Variants in RIMS1 observed in about 807,000 individuals in gnomAD.
RIMS1 encodes regulating synaptic membrane exocytosis 1.
A neutral mutation model predicts 214.1 loss-of-function variants in RIMS1; 83 were observed. The ratio of observed to expected loss-of-function variants is 0.39; its 90% confidence interval spans 0.32 to 0.47. The LOEUF is 0.47. Among genes scored for constraint, RIMS1 ranks in the 20% least tolerant of loss-of-function variants. The pLI is 0.99. For missense variants in RIMS1, 2,050 were observed against 2,161.8 expected (o/e 0.95, Z 1.03); for synonymous variants, 793 against 786.8 (o/e 1.01, Z -0.13).
At chr6:72,218,251 A>G (rs1452368949) in intron 6 of RIMS1, among the ~76,000 whole-genome samples, 1 of 152,096 alleles carries the variant, frequency 6.6e-6, no homozygotes, top group African/African-American at 2.4e-5. Context: ...CAGCCTGATG[A>G]GGACCTGGAC....
chr6:72,152,828 GTA>G lies in RIMS1; in HGVS notation c.472-26739_472-26738del, dbSNP rs1224468612. 2.0e-3 allele frequency among the ~76,000 whole-genome samples: 88 copies of G among 44,700 alleles called. 1 individual carries two copies. Among genetic ancestry groups the G allele is most frequent in the Non-Finnish European group, 2.5e-3 (70 of 27,744 alleles). 29.3% of individuals were successfully genotyped at this position (44,700 alleles called of 152,430 possible). A position where few individuals can be genotyped will look rare whatever the true frequency, so the allele number is the denominator to read the frequency against. On this transcript the variant is annotated intron_variant, in intron 4 of 33. Coordinates refer to ENST00000521978, the MANE Select transcript of RIMS1 (RefSeq NM_014989.7). ...ATATATGTATATATATGGAATATAT[GTA>G]TATATATGTATATATGGAATATATG...
At chr6:71,940,041 G>A (rs1180540976) in intron 1 of RIMS1, among the ~76,000 whole-genome samples, 1 of 152,056 alleles carries the variant, frequency 6.6e-6, no homozygotes. Context: ...ACCTCACTGT[G>A]TTGCTATGAA....
At chr6:72,331,252 G>T (rs950855601) in intron 28 of RIMS1, among the ~76,000 whole-genome samples, 6 of 151,696 alleles carry the variant, frequency 4.0e-5, no homozygotes, top group African/African-American at 1.5e-4. Context: ...ACTGATATTA[G>T]AGATGGAAAT....
intron 6 of RIMS1, among the ~76,000 whole-genome samples, chr6:72,232,792 A>G (rs2062502955): frequency 6.6e-6 from 1 of 151,750 alleles, no homozygotes; most frequent in African/African-American, 2.4e-5. Flanking sequence ...TATTTCATGT[A>G]GCATTTTGTT....
chr6:72,216,625 C>T, intron 6 of RIMS1: 1 of 985,564 alleles, frequency 1.0e-6, no homozygotes, highest in Non-Finnish European at 1.2e-6. Flanking sequence ...GATAATGGGA[C>T]CAAATCATTT....
chr6:72,217,249 CTAAAT>C (rs1436289894), intron 6 of RIMS1: 1 of 1,531,306 alleles, frequency 6.5e-7, no homozygotes, highest in Admixed American at 2.0e-5. Flanking sequence ...AACAGGTAAA[CTAAAT>C]TATATTAATC....
At chr6:72,098,514 C>T (rs537422927) in intron 3 of RIMS1, among the ~76,000 whole-genome samples, 4 of 152,070 alleles carry the variant, frequency 2.6e-5, no homozygotes, top group Admixed American at 6.5e-5. Flanking sequence ...AGGCTGATCT[C>T]GAACTCCTGA....
chr6:72,332,493 C>T (rs1309095897), intron 28 of RIMS1, among the ~76,000 whole-genome samples: 1 of 127,110 alleles, frequency 7.9e-6, no homozygotes, highest in Non-Finnish European at 1.6e-5. Context: ...AATGAGAACA[C>T]ATGGACACAG....
At chr6:72,125,182 G>A (rs1296554579) in intron 4 of RIMS1, among the ~76,000 whole-genome samples, 2 of 151,930 alleles carry the variant, frequency 1.3e-5, no homozygotes, top group Admixed American at 1.3e-4. Flanking sequence ...TGACCTTTTT[G>A]TTGCTATTTA....
chr6:71,889,927 A>C (rs949554402), intron 1 of RIMS1, among the ~76,000 whole-genome samples: 5 of 152,222 alleles, frequency 3.3e-5, no homozygotes, highest in African/African-American at 1.2e-4. Context: ...TTCTGGCAAT[A>C]CGGCAATTAG....
chr6:72,176,501 T>G (rs572199251), intron 4 of RIMS1, among the ~76,000 whole-genome samples: 3 of 152,310 alleles, frequency 2.0e-5, no homozygotes, highest in African/African-American at 7.2e-5. Context: ...TTTTTATTTG[T>G]AAAATTTGTG....
intron 1 of RIMS1, among the ~76,000 whole-genome samples, chr6:71,914,957 A>G (rs557038550): frequency 1.3e-5 from 2 of 152,278 alleles, no homozygotes; most frequent in South Asian, 2.1e-4. Flanking sequence ...TACCTTAAAT[A>G]CAGTGGACAC....
intron 16 of RIMS1, among the ~76,000 whole-genome samples, chr6:72,254,567 A>G (rs371273723): frequency 6.6e-6 from 1 of 152,190 alleles, no homozygotes; most frequent in African/African-American, 2.4e-5. Context: ...ATCTAAATAG[A>G]ATTTGCTTCG....
intron 33 of RIMS1, among the ~76,000 whole-genome samples, chr6:72,400,240 A>G (rs1268619019): frequency 6.6e-5 from 10 of 152,334 alleles, no homozygotes. Flanking sequence ...AACATGGCTT[A>G]TGTAGCTAAT....
intron 1 of RIMS1, among the ~76,000 whole-genome samples, chr6:71,961,199 G>A (rs971648729): frequency 1.3e-5 from 2 of 152,072 alleles, no homozygotes; most frequent in Admixed American, 1.3e-4. Context: ...TGTCCTGCAT[G>A]GATCTTTCTG....
chr6:72,074,011 A>G (rs576008375), intron 2 of RIMS1, among the ~76,000 whole-genome samples: 84 of 152,184 alleles, frequency 5.5e-4, no homozygotes, highest in Non-Finnish European at 1.0e-3. Context: ...TTATTATTCT[A>G]TGTATTTTAT....
At chr6:71,888,675 T>A (rs1224703636) in intron 1 of RIMS1, among the ~76,000 whole-genome samples, 2 of 152,200 alleles carry the variant, frequency 1.3e-5, no homozygotes, top group Non-Finnish European at 2.9e-5. Context: ...GATGTGGCTG[T>A]TAGGTCACAG....
chr6:71,971,424 C>T (rs1306978082), intron 2 of RIMS1, among the ~76,000 whole-genome samples: 3 of 152,068 alleles, frequency 2.0e-5, no homozygotes, highest in African/African-American at 7.2e-5. Context: ...GTAAAATGGG[C>T]AATGCTTGAT....
intron 1 of RIMS1, among the ~76,000 whole-genome samples, chr6:71,951,298 G>A (rs1789435282): frequency 6.6e-6 from 1 of 151,940 alleles, no homozygotes; most frequent in Non-Finnish European, 1.5e-5. Flanking sequence ...ATTGCGGGAG[G>A]TTTTGTTTTG....
Sources: allele counts gnomAD v4.1 joint callset (sites outside exome capture counted in the v4.1 genomes callset), GRCh38; gene constraint gnomAD v4.1.1; transcripts MANE v1.5; gene names NCBI Gene and HGNC (gene_info 2026-07-23, HGNC 2026-07-21).